BIN2: variants seen among roughly 807,000 people sequenced by gnomAD.
BIN2 encodes bridging integrator 2.
BIN2 carries 43 observed loss-of-function variants against 67.9 expected under a neutral mutation model. The observed-to-expected ratio is 0.63, with a 90% CI of 0.50 to 0.82. The LOEUF (loss-of-function observed/expected upper bound fraction) is 0.82. Ranked by LOEUF, BIN2 falls within the 40% of genes least tolerant of loss-of-function variation. BIN2 has a pLI of 0.00. For synonymous variants in BIN2, 244 were observed against 246.8 expected (o/e 0.99, Z 0.11); for missense variants, 581 against 671.6 (o/e 0.87, Z 1.49).
chr12:51,318,300 C>T (rs536440971), intron 1 of BIN2, among the ~76,000 whole-genome samples: 3 of 146,040 alleles, frequency 2.1e-5, no homozygotes, highest in Non-Finnish European at 3.0e-5. Flanking sequence ...CTTGCTCTGT[C>T]GCCCAGGCTG....
At position 51,281,346 on chromosome 12, in the gene BIN2, G is replaced by C. The variant is rs1160348541; in HGVS notation, c.*153C>G. 2.6e-6 allele frequency: 2 copies of C among 762,204 alleles called. No individual in the cohort carries two copies. The highest frequency in any genetic ancestry group is 4.5e-6 in the Non-Finnish European group (2 of 446,978). 47.2% of individuals were successfully genotyped at this position (762,204 alleles called of 1,614,324 possible). A position where few individuals can be genotyped will look rare whatever the true frequency, so the allele number is the denominator to read the frequency against. ...ATCCCTCCCGTAAGGCTGCTCCTCC[G>C]CCTCCATTAATGCCAGGTCTTTAGA... On this transcript the variant is annotated 3_prime_UTR_variant, in exon 13 of 13. Coordinates refer to ENST00000615107, the MANE Select transcript of BIN2 (RefSeq NM_016293.4).
upstream of BIN2, chr12:51,324,442 C>G (rs1946379120): frequency 6.8e-7 from 1 of 1,480,716 alleles, no homozygotes; most frequent in South Asian, 1.3e-5. Context: ...TCCCATCACG[C>G]TGAGCACTGC....
At chr12:51,311,874 C>G (rs1048153741) in intron 2 of BIN2, among the ~76,000 whole-genome samples, 3 of 152,018 alleles carry the variant, frequency 2.0e-5, no homozygotes, top group African/African-American at 7.3e-5. Context: ...CAGGTTCAAG[C>G]AATTCTCCTG....
rs1026318403 is a variant in BIN2, at chr12:51,299,277, C to T, written c.528G>A (p.Glu176=). ...DEAKTAKAEE[E]FNKAQTVFED... Reference sequence around the variant, plus strand: ...CAAACACAGTCTGGGCTTTGTTGAACTCTTCCTCTGCCTAGGTGGTAAAAG... The same window carrying T: ...CAAACACAGTCTGGGCTTTGTTGAATTCTTCCTCTGCCTAGGTGGTAAAAG... The change falls in exon 7 of 13, where the codon GAG becomes GAA. Residue 176 remains glutamate (E), a synonymous_variant. Transcript: ENST00000615107. 1.9e-6 allele frequency: 3 copies of T among 1,613,508 alleles called. No individual in the cohort carries two copies. The highest frequency in any genetic ancestry group is 2.7e-5 in the African/African-American group (2 of 74,912).
chr12:51,283,658 CAG>C (rs915442348), intron 12 of BIN2, among the ~76,000 whole-genome samples: 1 of 152,108 alleles, frequency 6.6e-6, no homozygotes, highest in African/African-American at 2.4e-5. Context: ...TAAAAAGAAA[CAG>C]AAAAAATACA....
chr12:51,318,254 T>G (rs189676359), intron 1 of BIN2, among the ~76,000 whole-genome samples: 19 of 149,802 alleles, frequency 1.3e-4, no homozygotes, highest in African/African-American at 4.7e-4. Context: ...CTGATTCATA[T>G]CTCCATTCTT....
At position 51,291,421 on chromosome 12, in the gene BIN2, C is replaced by T. The variant is rs571477266; in HGVS notation, c.1515+170G>A. Among the ~76,000 whole-genome samples the T allele has an allele frequency of 2.6e-4, 40 of 152,170 alleles. 1 individual carries two copies. The highest frequency in any genetic ancestry group is 2.3e-3 in the Admixed American group (35 of 15,268). On this transcript the variant is annotated intron_variant, in intron 10 of 12. Transcript: ENST00000615107. ...GCCAGGAATTCAAGACCAGTCTGGG[C>T]AACATAAGGAGACCCTATCTCTGTT...
intron 2 of BIN2, among the ~76,000 whole-genome samples, chr12:51,305,466 A>G (rs1456246647): frequency 6.6e-6 from 1 of 151,644 alleles, no homozygotes; most frequent in Non-Finnish European, 1.5e-5. Flanking sequence ...CCTACTAAAA[A>G]TACAAAAATT....
intron 5 of BIN2, 83 bp downstream of exon 5, chr12:51,301,937 T>A: frequency 1.0e-6 from 1 of 965,706 alleles, no homozygotes; most frequent in Non-Finnish European, 1.6e-6. Flanking sequence ...GAGTTCTAAT[T>A]CTACTTATAA....
intron 1 of BIN2, among the ~76,000 whole-genome samples, chr12:51,321,020 G>A (rs539514923): frequency 4.6e-5 from 7 of 151,082 alleles, no homozygotes; most frequent in Non-Finnish European, 1.0e-4. Context: ...GCGGGAAATG[G>A]AAAACAGACC....
intron 1 of BIN2, among the ~76,000 whole-genome samples, chr12:51,320,963 ACACACACT>A (rs1565693402): frequency 4.6e-5 from 7 of 151,888 alleles, no homozygotes; most frequent in African/African-American, 1.7e-4. Flanking sequence ...AAACACACAC[ACACACACT>A]CTAAAGCCAG....
intron 1 of BIN2, among the ~76,000 whole-genome samples, chr12:51,314,609 G>C (rs907712913): frequency 1.3e-5 from 2 of 151,912 alleles, no homozygotes; most frequent in Admixed American, 1.3e-4. Flanking sequence ...AGGCCAGGCT[G>C]ACCAGCATGG....
rs200400910 is a variant in BIN2, at chr12:51,312,133, T to TA, written c.162+1689dup. Among the ~76,000 whole-genome samples the TA allele has an allele frequency of 7.5e-3, 1,136 of 151,666 alleles. 12 individuals carry two copies. Among genetic ancestry groups the TA allele is most frequent in the Middle Eastern group, 0.02 (6 of 294 alleles). On this transcript the variant is annotated intron_variant, in intron 2 of 12. Coordinates refer to ENST00000615107, the MANE Select transcript of BIN2 (RefSeq NM_016293.4). ...GGAATCAAAATGGAGTCACTAGTGTTAAAAAAAAATCTCTGATAATAGAGC... is the reference window on the plus strand; with the variant it reads ...GGAATCAAAATGGAGTCACTAGTGTTAAAAAAAAAATCTCTGATAATAGAGC...
intron 2 of BIN2, among the ~76,000 whole-genome samples, chr12:51,311,742 A>G (rs528677017): frequency 1.3e-5 from 2 of 152,076 alleles, no homozygotes; most frequent in East Asian, 3.9e-4. Flanking sequence ...TTACATTTTA[A>G]AAGAGTTCTA....
chr12:51,311,951 T>C (rs2137426260), intron 2 of BIN2, among the ~76,000 whole-genome samples: 1 of 152,190 alleles, frequency 6.6e-6, no homozygotes, highest in South Asian at 2.1e-4. Context: ...TTTGTATTTT[T>C]AGTAGAGATG....
At chr12:51,324,283 GC>G, upstream of BIN2, 2 of 1,406,498 alleles carry the variant, frequency 1.4e-6, no homozygotes, top group Non-Finnish European at 1.8e-6. Flanking sequence ...GCTGGAGCAG[GC>G]CGGCTCGGAG....
chr12:51,321,049 TTG>T (rs1946266677), intron 1 of BIN2, among the ~76,000 whole-genome samples: 1 of 151,988 alleles, frequency 6.6e-6, no homozygotes, highest in Admixed American at 6.6e-5. Flanking sequence ...TTCATCCCTA[TTG>T]TGTTTAATGG....
chr12:51,287,251 A>T (rs897681183), intron 11 of BIN2, among the ~76,000 whole-genome samples: 2 of 152,072 alleles, frequency 1.3e-5, no homozygotes, highest in Non-Finnish European at 2.9e-5. Context: ...CCTGGGCTCA[A>T]GTGATCCTCC....
intron 2 of BIN2, chr12:51,304,206 C>T (rs545263477): frequency 5.2e-5 from 8 of 152,532 alleles, no homozygotes; most frequent in Non-Finnish European, 1.0e-4. Context: ...GATCGGATCA[C>T]GCCACTGTAC....
Sources: allele counts gnomAD v4.1 joint callset (sites outside exome capture counted in the v4.1 genomes callset), GRCh38; gene constraint gnomAD v4.1.1; transcripts MANE v1.5; gene names NCBI Gene and HGNC (gene_info 2026-07-23, HGNC 2026-07-21).